The following MYLK variants were observed in gnomAD, a reference collection of about 807,000 sequenced individuals.
The protein encoded by MYLK is myosin light chain kinase, smooth muscle.
MYLK carries 106 observed loss-of-function variants against 203.4 expected under a neutral mutation model. The ratio of observed to expected loss-of-function variants is 0.52; its 90% confidence interval spans 0.45 to 0.61. MYLK has a LOEUF of 0.61. Among genes scored for constraint, MYLK ranks in the 20% least tolerant of loss-of-function variants. The pLI is 0.00. For missense variants in MYLK, 2,072 were observed against 2,442.3 expected (o/e 0.85, Z 3.20); for synonymous variants, 867 against 959.5 (o/e 0.90, Z 1.78).
intron 3 of MYLK, among the ~76,000 whole-genome samples, chr3:123,828,926 T>C (rs2066230525): frequency 6.6e-6 from 1 of 152,054 alleles, no homozygotes; most frequent in Admixed American, 6.5e-5. Context: ...TTAGAATGGC[T>C]ATTTTCAAAA....
intron 4 of MYLK, among the ~76,000 whole-genome samples, chr3:123,789,333 C>T (rs1244187070): frequency 1.3e-5 from 2 of 152,154 alleles, no homozygotes; most frequent in African/African-American, 4.8e-5. Context: ...CCTTTGACCC[C>T]GCCCCCCCAG....
At chr3:123,638,232 T>C in intron 28 of MYLK, 38 bp from the exon 29 acceptor site, 1 of 1,612,770 alleles carries the variant, frequency 6.2e-7, no homozygotes, top group Non-Finnish European at 8.5e-7. Flanking sequence ...TGCCAGCACA[T>C]CACGGAGCCA....
At chr3:123,835,721 C>T (rs779784163) in intron 2 of MYLK, 4 of 152,212 alleles carry the variant, frequency 2.6e-5, no homozygotes, top group Non-Finnish European at 5.9e-5. Context: ...CCTCCAAGGA[C>T]ACCAGAATCC....
At chr3:123,621,052 T>C (rs1023528923) in intron 31 of MYLK, 1 of 152,192 alleles carries the variant, frequency 6.6e-6, no homozygotes, top group Non-Finnish European at 1.5e-5. Flanking sequence ...AAAAGAAGCA[T>C]TGAAGAAATA....
chr3:123,819,787 CTTTTTTTT>C (rs5852369), intron 3 of MYLK, among the ~76,000 whole-genome samples: 12 of 74,532 alleles, frequency 1.6e-4, no homozygotes, highest in Admixed American at 3.5e-4. Context: ...TCTAAGCCTC[CTTTTTTTT>C]TTTTTTTTTT....
intron 4 of MYLK, among the ~76,000 whole-genome samples, chr3:123,755,222 G>T (rs540813030): frequency 1.3e-5 from 2 of 152,166 alleles, no homozygotes; most frequent in African/African-American, 2.4e-5. Flanking sequence ...CGCCAAAGGC[G>T]TCCTGGCATT....
chr3:123,615,494 C>T (rs1021289223), intron 33 of MYLK, among the ~76,000 whole-genome samples: 11 of 151,700 alleles, frequency 7.3e-5, no homozygotes, highest in South Asian at 2.1e-4. Flanking sequence ...CCACGACACC[C>T]GGCTAATTTT....
intron 27 of MYLK, chr3:123,646,937 T>G: frequency 2.1e-6 from 1 of 477,888 alleles, no homozygotes; most frequent in South Asian, 2.3e-5. Flanking sequence ...CATGGGGAGA[T>G]GAGGGCGAGA....
chr3:123,801,280 G>A (rs905698186), intron 3 of MYLK, among the ~76,000 whole-genome samples: 1 of 152,148 alleles, frequency 6.6e-6, no homozygotes, highest in African/African-American at 2.4e-5. Context: ...GACATCCAGG[G>A]CACATTTTGA....
chr3:123,823,287 C>T (rs1430378101), intron 3 of MYLK, among the ~76,000 whole-genome samples: 1 of 152,204 alleles, frequency 6.6e-6, no homozygotes, highest in Non-Finnish European at 1.5e-5. Flanking sequence ...ACACACATTT[C>T]TTATCCCACC....
chr3:123,666,156 C>T (rs370820792), intron 22 of MYLK, 63 bp downstream of exon 22: 77 of 1,612,832 alleles, frequency 4.8e-5, no homozygotes, highest in Non-Finnish European at 5.9e-5. Context: ...TCATCCCTTT[C>T]GGTCCAAAGG....
chr3:123,682,683 C>A (rs1273460389), intron 19 of MYLK, among the ~76,000 whole-genome samples: 1 of 152,208 alleles, frequency 6.6e-6, no homozygotes, highest in African/African-American at 2.4e-5. Flanking sequence ...TGCTAGAAAT[C>A]TTGGGTCTCC....
In MYLK at chr3:123,814,880, C is replaced by T. The variant is rs557349789; in HGVS notation, c.-4+16668G>A. Among the ~76,000 whole-genome samples the T allele has an allele frequency of 2.0e-5, 3 of 152,226 alleles. No individual in the cohort carries two copies. The South Asian group carries it at 6.2e-4, about 32-fold the overall frequency. On this transcript the variant is annotated intron_variant, in intron 3 of 33. Coordinates refer to ENST00000360304, the MANE Select transcript of MYLK (RefSeq NM_053025.4). Reference sequence around the variant, plus strand: ...TGATCTCGGCTCACTGCAACCTCCACCTCCCAGGTTCAAGCAAGTCTCCTG... The same window carrying T: ...TGATCTCGGCTCACTGCAACCTCCATCTCCCAGGTTCAAGCAAGTCTCCTG...
At chr3:123,623,256 A>C (rs767855054) in intron 31 of MYLK, 8 of 151,992 alleles carry the variant, frequency 5.3e-5, no homozygotes, top group Non-Finnish European at 1.0e-4. Flanking sequence ...TTTCTCCCCT[A>C]ATGCCCTTGG....
intron 24 of MYLK, among the ~76,000 whole-genome samples, chr3:123,650,931 T>C (rs2059190777): frequency 6.6e-6 from 1 of 152,214 alleles, no homozygotes; most frequent in Admixed American, 6.5e-5. Context: ...GGCTGTCAGA[T>C]GCTGTCACAG....
At chr3:123,740,678 C>T (rs144902868) in intron 5 of MYLK, among the ~76,000 whole-genome samples, 131 of 151,860 alleles carry the variant, frequency 8.6e-4, no homozygotes, top group African/African-American at 2.8e-3. Flanking sequence ...CTGGGCAAGG[C>T]GCTGCTATGC....
chr3:123,752,497 G>T lies in MYLK; in HGVS notation c.207C>A (p.Asn69Lys). The T allele has an allele frequency of 6.2e-7, 1 of 1,614,024 alleles. No individual in the cohort carries two copies. The highest frequency in any genetic ancestry group is 1.1e-5 in the South Asian group (1 of 91,070). Reference sequence around the variant, plus strand: ...GGCCCCCGCTGGTGATGGGTTGCCCGTTTCTGTGCCATGTCACCTGGGGCT... The same window carrying T: ...GGCCCCCGCTGGTGATGGGTTGCCCTTTTCTGTGCCATGTCACCTGGGGCT... ...YPEPQVTWHR[N>K]GQPITSGGRF... The change falls in exon 5 of 34, where the codon AAC becomes AAA. Residue 69 changes from asparagine (N) to lysine (K), a missense_variant. Transcript: ENST00000360304.
At chr3:123,881,511 T>G (rs72974258) in intron 1 of MYLK, among the ~76,000 whole-genome samples, 14,759 of 152,058 alleles carry the variant, frequency 0.097, 1,119 homozygotes, top group East Asian at 0.36. Context: ...CTGTGAGAGG[T>G]GCAGCTGGGC....
chr3:123,776,419 T>C (rs1440548662), intron 4 of MYLK, among the ~76,000 whole-genome samples: 2 of 152,208 alleles, frequency 1.3e-5, no homozygotes, highest in Non-Finnish European at 2.9e-5. Context: ...ACCTCTCTTC[T>C]GCCAACTAAT....
Sources: gnomAD v4.1 joint callset for allele counts (sites outside exome capture counted in the v4.1 genomes callset) on GRCh38, gnomAD v4.1.1 for gene constraint, MANE v1.5 for transcripts, NCBI Gene and HGNC (gene_info 2026-07-23, HGNC 2026-07-21) for gene names.